ME1: variants seen among roughly 807,000 people sequenced by gnomAD.
ME1 encodes the protein malic enzyme 1.
In ME1, 74 loss-of-function variants were observed where a neutral mutation model predicts 66.4. The observed-to-expected ratio is 1.11, with a 90% CI of 0.92 to 1.35. ME1 has a LOEUF of 1.35. Ranked by LOEUF, ME1 falls within the 40% of genes most tolerant of loss-of-function variation. The probability of loss-of-function intolerance (pLI) is 0.00; values close to 1 mark genes in which losing one functional copy is unlikely to be tolerated. For synonymous variants in ME1, 251 were observed against 235.6 expected (o/e 1.07, Z -0.60); for missense variants, 750 against 694.1 (o/e 1.08, Z -0.90).
Position 83,398,433 on chromosome 6 carries a change from G to T in ME1, c.296C>A (p.Pro99His), listed in dbSNP as rs1305592020. The T allele has an allele frequency of 6.2e-7, 1 of 1,603,158 alleles. No individual in the cohort carries two copies. Among genetic ancestry groups the T allele is most frequent in the Non-Finnish European group, 8.5e-7 (1 of 1,174,120 alleles). Reference protein sequence around the residue: ...VLTSDIEKFMPIVYTPTVGLA... With the variant: ...VLTSDIEKFMHIVYTPTVGLA... ...ACCCACAGTGGGAGTATAAACAATA[G>T]GCATGAATTTCTCAATGTCAGATGT... Residue 99 changes from proline (P) to histidine (H), a missense_variant, in exon 3 of 14, where the codon CCT (proline) becomes CAT (histidine). By Grantham distance (77) the Pro-to-His change is moderately conservative (BLOSUM62 -2). Transcript: ENST00000369705.
chr6:83,363,248 G>A (rs1038397569), intron 3 of ME1, among the ~76,000 whole-genome samples: 5 of 152,124 alleles, frequency 3.3e-5, no homozygotes, highest in African/African-American at 4.8e-5. Flanking sequence ...CTGCCACCAG[G>A]AGACACAACA....
At chr6:83,364,402 A>G (rs1482394378) in intron 3 of ME1, among the ~76,000 whole-genome samples, 1 of 152,112 alleles carries the variant, frequency 6.6e-6, no homozygotes, top group Non-Finnish European at 1.5e-5. Flanking sequence ...CTATATATAT[A>G]TATTCCATTA....
chr6:83,405,707 T>G lies in ME1; in HGVS notation c.212+2061A>C, dbSNP rs141564372. On this transcript the variant is annotated intron_variant, in intron 2 of 13. Transcript: ENST00000369705. Reference sequence around the variant, plus strand: ...AGTACCTAGTTTATTGAGAGTTTTTTTTGTTGTTGTTGTTGTTTTTTTTTT... The same window carrying G: ...AGTACCTAGTTTATTGAGAGTTTTTGTTGTTGTTGTTGTTGTTTTTTTTTT... Among the ~76,000 whole-genome samples, 365 of 144,220 alleles carry G rather than the reference T, an allele frequency of 2.5e-3. 1 individual carries two copies. The East Asian group carries it at 0.031, about 12-fold the overall frequency. The allele number at this position is 144,220 out of a possible 152,430, so 94.6% of individuals were successfully genotyped here.
At chr6:83,224,759 T>C (rs1031555583) in intron 11 of ME1, among the ~76,000 whole-genome samples, 1 of 150,326 alleles carries the variant, frequency 6.7e-6, no homozygotes, top group Non-Finnish European at 1.5e-5. Flanking sequence ...GAGAATCACA[T>C]AGGAAACAAA....
intron 10 of ME1, among the ~76,000 whole-genome samples, chr6:83,228,081 A>G (rs923553132): frequency 6.6e-6 from 1 of 152,236 alleles, no homozygotes; most frequent in African/African-American, 2.4e-5. Flanking sequence ...CAACGTTGTC[A>G]TCTGTTTCAC....
At position 83,243,732 on chromosome 6, in the gene ME1, A is replaced by ATATATAATTATATTATATTATATAT. The variant is rs1295471610; in HGVS notation, c.815-4121_815-4097dup. Among the ~76,000 whole-genome samples the ATATATAATTATATTATATTATATAT allele has an allele frequency of 2.2e-4, 29 of 132,586 alleles. 1 individual carries two copies. The highest frequency in any genetic ancestry group is 3.5e-4 in the Non-Finnish European group (23 of 65,022). 87.0% of individuals were successfully genotyped at this position (132,586 alleles called of 152,430 possible). On this transcript the variant is annotated intron_variant, in intron 7 of 13. Coordinates refer to ENST00000369705, the MANE Select transcript of ME1 (RefSeq NM_002395.6). ...TATTAAATAATTGTGTATTTATATA[A>ATATATAATTATATTATATTATATAT]TATATAATTATATTATATTATATAT...
chr6:83,261,887 G>A (rs1401711474), intron 6 of ME1, among the ~76,000 whole-genome samples: 4 of 151,538 alleles, frequency 2.6e-5, no homozygotes, highest in Non-Finnish European at 5.9e-5. Flanking sequence ...GGTGGCAGGC[G>A]CTTGTAATCC....
intron 3 of ME1, among the ~76,000 whole-genome samples, chr6:83,368,043 CTG>C (rs1212681763): frequency 1.3e-5 from 2 of 151,966 alleles, no homozygotes; most frequent in Non-Finnish European, 2.9e-5. Context: ...AATTTCAACA[CTG>C]TTGTGTGTCT....
Position 83,375,223 on chromosome 6 carries a change from A to G in ME1, c.363-23084T>C, listed in dbSNP as rs181325800. Among the ~76,000 whole-genome samples the G allele has an allele frequency of 2.2e-3, 331 of 152,294 alleles. 2 individuals are homozygous for G. The highest frequency in any genetic ancestry group is 3.4e-3 in the Middle Eastern group (1 of 294). Reference sequence around the variant, plus strand: ...TTCACAATATTGATTCTTCCTATCCATGAGGATGGAATGTTTTTCCATTTG... The same window carrying G: ...TTCACAATATTGATTCTTCCTATCCGTGAGGATGGAATGTTTTTCCATTTG... On this transcript the variant is annotated intron_variant, in intron 3 of 13. Coordinates refer to ENST00000369705, the MANE Select transcript of ME1 (RefSeq NM_002395.6).
intron 6 of ME1, among the ~76,000 whole-genome samples, chr6:83,260,053 CTTTT>C (rs993010424): frequency 2.0e-5 from 3 of 151,996 alleles, no homozygotes; most frequent in African/African-American, 7.2e-5. Context: ...TACTATGAAT[CTTTT>C]TTCTTTTAGA....
intron 6 of ME1, among the ~76,000 whole-genome samples, chr6:83,295,429 T>G (rs977302335): frequency 2.9e-4 from 44 of 152,124 alleles, no homozygotes; most frequent in African/African-American, 1.0e-3. Flanking sequence ...ATGACTGAAA[T>G]GACAGAAATA....
intron 6 of ME1, among the ~76,000 whole-genome samples, chr6:83,301,333 TC>T (rs1349962101): frequency 3.1e-5 from 4 of 127,074 alleles, no homozygotes; most frequent in African/African-American, 1.6e-4. Flanking sequence ...TCTCTCTCTC[TC>T]TCTCTTTCTT....
intron 3 of ME1, among the ~76,000 whole-genome samples, chr6:83,382,890 C>T (rs1487827287): frequency 1.3e-5 from 2 of 151,756 alleles, no homozygotes; most frequent in African/African-American, 4.9e-5. Context: ...CTAAATGTTT[C>T]CATGAAGGTA....
chr6:83,287,687 T>C (rs1767422942), intron 6 of ME1, among the ~76,000 whole-genome samples: 1 of 152,184 alleles, frequency 6.6e-6, no homozygotes, highest in African/African-American at 2.4e-5. Context: ...GAAAGCTGGG[T>C]CAAATGGTAT....
At chr6:83,361,418 G>A in intron 3 of ME1, among the ~76,000 whole-genome samples, 1 of 152,244 alleles carries the variant, frequency 6.6e-6, no homozygotes, top group East Asian at 1.9e-4. Context: ...TTTATCGAGT[G>A]ACCTGAAAGA....
At position 83,392,997 on chromosome 6, in the gene ME1, G is replaced by A. The variant is rs535474956; in HGVS notation, c.362+5370C>T. 19 of 957,490 alleles carry A rather than the reference G, an allele frequency of 2.0e-5. 1 individual carries two copies. The Middle Eastern group carries it at 9.5e-4, about 48-fold the overall frequency. The allele number at this position is 957,490 out of a possible 1,614,324, so 59.3% of individuals were successfully genotyped here. ...CTCCTATGGGAAACTGTGGGGTGAC[G>A]GCCATGGGGCTCTCCAGAACATCCT... On this transcript the variant is annotated intron_variant, in intron 3 of 13. Transcript: ENST00000369705.
chr6:83,398,495 G>T lies in ME1; in HGVS notation c.234C>A (p.Leu78=). 2 of 1,564,210 alleles carry T rather than the reference G, an allele frequency of 1.3e-6. No individual in the cohort carries two copies. Among genetic ancestry groups the T allele is most frequent in the Non-Finnish European group, 1.7e-6 (2 of 1,149,068 alleles). ...DFDRYLLLMD[L]QDRNEKLFYR... is the part of the protein sequence containing the mutation. ...AAAAGAGTTTTTCATTTCTATCTTG[G>T]AGATCCATTAAGAGAAGATACCTGT... is the stretch of plus-strand genomic sequence containing the variant. Residue 78 remains leucine, a synonymous_variant, in exon 3 of 14, where the codon CTC becomes CTA. Transcript: ENST00000369705.
chr6:83,332,561 T>C (rs1297657785), intron 5 of ME1, among the ~76,000 whole-genome samples: 1 of 152,210 alleles, frequency 6.6e-6, no homozygotes, highest in Non-Finnish European at 1.5e-5. Flanking sequence ...TATATCATAG[T>C]ATACCACTCA....
At chr6:83,225,363 A>G (rs1790175704) in intron 11 of ME1, among the ~76,000 whole-genome samples, 1 of 152,150 alleles carries the variant, frequency 6.6e-6, no homozygotes, top group Non-Finnish European at 1.5e-5. Flanking sequence ...CCCTAAACAA[A>G]TAAAGCATCA....
Sources: allele counts gnomAD v4.1 joint callset (sites outside exome capture counted in the v4.1 genomes callset), GRCh38; gene constraint gnomAD v4.1.1; transcripts MANE v1.5; gene names NCBI Gene and HGNC (gene_info 2026-07-23, HGNC 2026-07-21).